Variants in RASA3 observed in about 807,000 individuals in gnomAD.
RASA3 encodes ras GTPase-activating protein 3.
A neutral mutation model predicts 110.0 loss-of-function variants in RASA3; 73 were observed. The ratio of observed to expected loss-of-function variants is 0.66; its 90% CI spans 0.55 to 0.81. The LOEUF (loss-of-function observed/expected upper bound fraction) is 0.81, where lower values mean the gene tolerates loss of function less well. RASA3 is among the 30% of genes least tolerant of loss of function. The probability of loss-of-function intolerance (pLI) is 0.00; values close to 1 mark genes in which losing one functional copy is unlikely to be tolerated. For synonymous variants in RASA3, 500 were observed against 451.4 expected (o/e 1.11, Z -1.37); for missense variants, 976 against 1,113.2 (o/e 0.88, Z 1.75).
chr13:114,113,030 C>T (rs2080238663), intron 1 of RASA3, among the ~76,000 whole-genome samples: 1 of 152,162 alleles, frequency 6.6e-6, no homozygotes, highest in African/African-American at 2.4e-5. Flanking sequence ...CCGTGGAGGC[C>T]CTGCCATGCA....
intron 3 of RASA3, among the ~76,000 whole-genome samples, chr13:114,050,867 C>G (rs958740720): frequency 2.6e-5 from 4 of 152,256 alleles, no homozygotes; most frequent in Non-Finnish European, 5.9e-5. Flanking sequence ...CCTCTCACTT[C>G]TGTGTGCCAA....
intron 2 of RASA3, among the ~76,000 whole-genome samples, chr13:114,070,679 G>A (rs1269593454): frequency 6.8e-6 from 1 of 146,700 alleles, no homozygotes; most frequent in Non-Finnish European, 1.5e-5. Context: ...ACGTGGGCAG[G>A]GCTGCCGGCG....
intron 2 of RASA3, among the ~76,000 whole-genome samples, chr13:114,070,882 G>C: frequency 7.5e-6 from 1 of 133,078 alleles, no homozygotes; most frequent in Admixed American, 7.7e-5. Flanking sequence ...CAGGGCTGCC[G>C]GCGTCCACGC....
chr13:114,074,838 T>A (rs1407720264), intron 1 of RASA3, among the ~76,000 whole-genome samples: 1 of 152,244 alleles, frequency 6.6e-6, no homozygotes, highest in Non-Finnish European at 1.5e-5. Flanking sequence ...CAGCTGCGAC[T>A]TCTCTGCTGG....
chr13:114,072,608 C>A lies in RASA3; in HGVS notation c.173+1112G>T, dbSNP rs75025366. On this transcript the variant is annotated intron_variant, in intron 2 of 23. Transcript: ENST00000334062. ...CATCTCTAATTAAAAAGCACTCGTG[C>A]GAGTCCACGCAGGGGGACCGCCGCC... 5.7e-3 allele frequency among the ~76,000 whole-genome samples: 874 copies of A among 152,282 alleles called. 1 individual carries two copies. Among genetic ancestry groups the A allele is most frequent in the African/African-American group, 0.017 (697 of 41,542 alleles).
intron 18 of RASA3, among the ~76,000 whole-genome samples, chr13:114,005,794 C>T (rs1424708734): frequency 1.9e-4 from 25 of 129,752 alleles, no homozygotes; most frequent in South Asian, 5.9e-4. Context: ...CCTGCCCTGC[C>T]GGACACCACC....
chr13:113,979,819 G>T (rs938397097), intron 23 of RASA3, among the ~76,000 whole-genome samples: 1 of 152,020 alleles, frequency 6.6e-6, no homozygotes, highest in African/African-American at 2.4e-5. Flanking sequence ...AGCAGGCGTG[G>T]GCACCTCCTC....
chr13:114,087,693 C>T (rs971873198), intron 1 of RASA3, among the ~76,000 whole-genome samples: 1 of 152,182 alleles, frequency 6.6e-6, no homozygotes, highest in African/African-American at 2.4e-5. Flanking sequence ...GCTCCCGGGG[C>T]CAGCAGGGCG....
chr13:114,099,031 G>A (rs1453480974), intron 1 of RASA3, among the ~76,000 whole-genome samples: 6 of 20,266 alleles, frequency 3.0e-4, no homozygotes, highest in Admixed American at 1.1e-3. Context: ...GTCGGGGCCC[G>A]GCCACCCGAG....
At chr13:113,995,170 G>C (rs759173334) in intron 21 of RASA3, among the ~76,000 whole-genome samples, 1 of 152,220 alleles carries the variant, frequency 6.6e-6, no homozygotes, top group Non-Finnish European at 1.5e-5. Flanking sequence ...AAGCCTCCTG[G>C]GACTGTGTTC....
intron 12 of RASA3, 40 bp from the exon 13 acceptor site, chr13:114,016,311 TG>T: frequency 6.9e-7 from 1 of 1,455,596 alleles, no homozygotes; most frequent in Non-Finnish European, 9.6e-7. Flanking sequence ...GAGTGGGTTC[TG>T]GGGGCACAGG....
chr13:114,061,603 G>A (rs1183946977), intron 2 of RASA3, among the ~76,000 whole-genome samples: 3 of 151,574 alleles, frequency 2.0e-5, no homozygotes, highest in African/African-American at 7.3e-5. Flanking sequence ...CTTGAACCTG[G>A]GAGGCGGAGG....
chr13:114,063,473 A>T (rs1480144239), intron 2 of RASA3, among the ~76,000 whole-genome samples: 1 of 151,972 alleles, frequency 6.6e-6, no homozygotes, highest in African/African-American at 2.4e-5. Flanking sequence ...TAAATATAGA[A>T]GATACGAATG....
chr13:114,090,779 CG>C (rs1362746238), intron 1 of RASA3, among the ~76,000 whole-genome samples: 2 of 152,178 alleles, frequency 1.3e-5, no homozygotes, highest in Non-Finnish European at 2.9e-5. Flanking sequence ...CTCAGGTATG[CG>C]TAACAAAAAG....
rs930108380 is a variant in RASA3 at position 114,009,566 on chromosome 13, G to A, written c.1591-102C>T. 45 of 797,004 alleles carry A rather than the reference G, an allele frequency of 5.6e-5. 1 individual carries two copies. Among genetic ancestry groups the A allele is most frequent in the South Asian group, 2.1e-4 (14 of 66,374 alleles). The allele number at this position is 797,004 out of a possible 1,614,324, so 49.4% of individuals were successfully genotyped here. Reference sequence around the variant, plus strand: ...CAAGAACTGTCCAAGCCTAAATGACGATAAACAGGCAAAGAACCCGGTGTT... The same window carrying A: ...CAAGAACTGTCCAAGCCTAAATGACAATAAACAGGCAAAGAACCCGGTGTT... On this transcript the variant is annotated intron_variant, in intron 16 of 23. Transcript: ENST00000334062.
At chr13:114,031,101 TTG>T (rs1417104906) in intron 4 of RASA3, among the ~76,000 whole-genome samples, 2 of 98,568 alleles carry the variant, frequency 2.0e-5, no homozygotes, top group East Asian at 2.9e-4. Context: ...GTGCATGTGA[TTG>T]TGTGTATCTG....
At chr13:114,037,714 A>G (rs1177289087) in intron 4 of RASA3, among the ~76,000 whole-genome samples, 7 of 152,244 alleles carry the variant, frequency 4.6e-5, no homozygotes, top group Admixed American at 2.0e-4. Flanking sequence ...AAAAAATAGC[A>G]TAGAATACAC....
chr13:114,082,635 G>A (rs922103347), intron 1 of RASA3, among the ~76,000 whole-genome samples: 1 of 152,208 alleles, frequency 6.6e-6, no homozygotes, highest in Non-Finnish European at 1.5e-5. Flanking sequence ...CCGTCTGGGG[G>A]CAGCCCCAGA....
At chr13:114,102,363 G>A (rs979367224) in intron 1 of RASA3, among the ~76,000 whole-genome samples, 21 of 152,216 alleles carry the variant, frequency 1.4e-4, no homozygotes, top group Admixed American at 4.6e-4. Context: ...GGGGGAGAGC[G>A]AGAGTGAAGG....
Sources: gnomAD v4.1 joint callset for allele counts (sites outside exome capture counted in the v4.1 genomes callset) on GRCh38, gnomAD v4.1.1 for gene constraint, MANE v1.5 for transcripts, NCBI Gene and HGNC (gene_info 2026-07-23, HGNC 2026-07-21) for gene names.